The following NPAS3 variants were observed in gnomAD, a reference collection of about 807,000 sequenced individuals.
NPAS3 encodes the protein neuronal PAS domain-containing protein 3.
Under a neutral mutation model 73.1 loss-of-function variants are expected in NPAS3, and 14 were observed. The observed-to-expected ratio is 0.19, with a 90% CI of 0.13 to 0.30. The LOEUF is 0.30. Among genes scored for constraint, NPAS3 ranks in the 10% least tolerant of loss-of-function variants. The probability of loss-of-function intolerance (pLI) is 1.00; values close to 1 mark genes in which losing one functional copy is unlikely to be tolerated. For synonymous variants in NPAS3, 620 were observed against 541.5 expected, an observed-to-expected ratio of 1.14 and a Z score of -2.01; for missense variants, 1,096 against 1,250.0, an observed-to-expected ratio of 0.88 and a Z score of 1.86.
chr14:33,443,450 TC>T (rs1372961500), intron 4 of NPAS3, among the ~76,000 whole-genome samples: 1 of 152,134 alleles, frequency 6.6e-6, no homozygotes, highest in Non-Finnish European at 1.5e-5. Context: ...GTAACTACTG[TC>T]CCCAGCAGCT....
At chr14:33,612,302 C>A (rs1233066340) in intron 5 of NPAS3, 2 of 425,794 alleles carry the variant, frequency 4.7e-6, no homozygotes, top group Non-Finnish European at 9.5e-6. Context: ...TTCACATTTG[C>A]GCTCAAAGTG....
intron 5 of NPAS3, among the ~76,000 whole-genome samples, chr14:33,659,586 G>A (rs944815063): frequency 1.3e-5 from 2 of 152,102 alleles, no homozygotes; most frequent in African/African-American, 4.8e-5. Flanking sequence ...ATTTCTAAAT[G>A]ACACAATTAA....
intron 4 of NPAS3, among the ~76,000 whole-genome samples, chr14:33,551,101 A>G (rs763011125): frequency 6.6e-6 from 1 of 152,222 alleles, no homozygotes; most frequent in Non-Finnish European, 1.5e-5. Flanking sequence ...TTCATGGCCT[A>G]TGAATTATCC....
Position 33,068,093 on chromosome 14 carries a change from C to T in NPAS3, c.140+12099C>T, listed in dbSNP as rs189490388. Among the ~76,000 whole-genome samples the T allele has an allele frequency of 2.1e-4, 32 of 152,318 alleles. No individual in the cohort carries two copies. The East Asian group carries it at 6.2e-3, about 29-fold the overall frequency. On this transcript the variant is annotated intron_variant, in intron 2 of 11. Transcript: ENST00000356141. ...TACTTGAGTCCTGCTCTATGCAAAG[C>T]ACCATGCTAGGGAATGCAAAGATTT...
At chr14:33,354,020 G>A (rs1210492454) in intron 3 of NPAS3, among the ~76,000 whole-genome samples, 1 of 152,098 alleles carries the variant, frequency 6.6e-6, no homozygotes, top group Non-Finnish European at 1.5e-5. Flanking sequence ...TCAAGTTATA[G>A]TGAAATATTG....
intron 2 of NPAS3, among the ~76,000 whole-genome samples, chr14:33,083,163 A>C (rs2041912964): frequency 8.2e-6 from 1 of 121,346 alleles, no homozygotes; most frequent in Non-Finnish European, 1.6e-5. Flanking sequence ...AGCCTGGGTA[A>C]TGGCGAGACT....
At chr14:33,788,230 T>C (rs1354754787) in intron 9 of NPAS3, among the ~76,000 whole-genome samples, 1 of 152,072 alleles carries the variant, frequency 6.6e-6, no homozygotes, top group African/African-American at 2.4e-5. Flanking sequence ...AATTTTTGAG[T>C]CTGTAGCAGA....
At chr14:33,007,218 A>C (rs1359043935) in intron 1 of NPAS3, among the ~76,000 whole-genome samples, 1 of 152,240 alleles carries the variant, frequency 6.6e-6, no homozygotes, top group Non-Finnish European at 1.5e-5. Context: ...GAGGGGTCTT[A>C]GTAGCGCCCG....
intron 3 of NPAS3, among the ~76,000 whole-genome samples, chr14:33,225,628 T>C (rs904294110): frequency 4.6e-5 from 7 of 152,254 alleles, no homozygotes; most frequent in Non-Finnish European, 1.0e-4. Context: ...TTTGTGGACA[T>C]TGAAATCAAA....
At position 33,029,567 on chromosome 14, in the gene NPAS3, CT is replaced by C. The variant is rs543495021; in HGVS notation, c.51-26337del. 2.7e-4 allele frequency among the ~76,000 whole-genome samples: 41 copies of C among 152,242 alleles called. 1 individual carries two copies. Among genetic ancestry groups the C allele is most frequent in the African/African-American group, 9.9e-4 (41 of 41,538 alleles). On this transcript the variant is annotated intron_variant, in intron 1 of 11. Transcript: ENST00000356141. ...GATGTATTATTCATTATTTATCACA[CT>C]CTATAAAATATGAGTTGGAATGTTA...
At chr14:33,253,450 A>C (rs2048662708) in intron 3 of NPAS3, among the ~76,000 whole-genome samples, 1 of 152,080 alleles carries the variant, frequency 6.6e-6, no homozygotes, top group Non-Finnish European at 1.5e-5. Flanking sequence ...GGAGTAAATT[A>C]CTTTCCCATT....
intron 3 of NPAS3, among the ~76,000 whole-genome samples, chr14:33,268,382 A>G (rs1337602254): frequency 6.6e-6 from 1 of 152,246 alleles, no homozygotes; most frequent in Non-Finnish European, 1.5e-5. Flanking sequence ...AAACTAATAT[A>G]GTAAGACATA....
intron 1 of NPAS3, among the ~76,000 whole-genome samples, chr14:33,012,475 G>A (rs1176923753): frequency 6.6e-6 from 1 of 151,480 alleles, no homozygotes; most frequent in Non-Finnish European, 1.5e-5. Flanking sequence ...TCACTTTTCA[G>A]CTTTAGACCC....
At chr14:33,721,067 A>AT (rs1354117287) in intron 6 of NPAS3, among the ~76,000 whole-genome samples, 1 of 152,198 alleles carries the variant, frequency 6.6e-6, no homozygotes, top group Non-Finnish European at 1.5e-5. Flanking sequence ...TTCTATTGTT[A>AT]TTTTTATATT....
At chr14:33,692,836 TAAAAAAAAAAA>T (rs34684535) in intron 6 of NPAS3, among the ~76,000 whole-genome samples, 34 of 64,052 alleles carry the variant, frequency 5.3e-4, no homozygotes, top group African/African-American at 1.6e-3. Context: ...CCCAATGTCT[TAAAAAAAAAAA>T]AAAAAAAAAA....
At chr14:33,793,593 G>A (rs2063426778) in intron 9 of NPAS3, among the ~76,000 whole-genome samples, 1 of 152,150 alleles carries the variant, frequency 6.6e-6, no homozygotes, top group Non-Finnish European at 1.5e-5. Context: ...TATCCACACC[G>A]CATTAGGTGT....
intron 5 of NPAS3, among the ~76,000 whole-genome samples, chr14:33,567,011 G>T (rs888353154): frequency 6.6e-6 from 1 of 152,262 alleles, no homozygotes; most frequent in East Asian, 1.9e-4. Flanking sequence ...TCTTCCACAG[G>T]GTAATAATCG....
chr14:33,505,575 G>A (rs1418533624), intron 4 of NPAS3, among the ~76,000 whole-genome samples: 2 of 151,940 alleles, frequency 1.3e-5, no homozygotes, highest in African/African-American at 4.8e-5. Flanking sequence ...TTTGGTATAT[G>A]GGTTAAAAAT....
At chr14:33,672,702 A>G (rs1346798449) in intron 5 of NPAS3, among the ~76,000 whole-genome samples, 1 of 26,208 alleles carries the variant, frequency 3.8e-5, no homozygotes, top group Non-Finnish European at 6.8e-5. Context: ...CATAAGAGAG[A>G]AAAAAAAAAA....
Sources: allele counts gnomAD v4.1 joint callset (sites outside exome capture counted in the v4.1 genomes callset), GRCh38; gene constraint gnomAD v4.1.1; transcripts MANE v1.5; gene names NCBI Gene and HGNC (gene_info 2026-07-23, HGNC 2026-07-21).